The following LSG1 variants were observed in gnomAD, a reference collection of about 807,000 sequenced individuals.
LSG1 encodes large 60S subunit nuclear export GTPase 1.
A neutral mutation model predicts 82.6 loss-of-function variants in LSG1; 55 were observed. The ratio of observed to expected loss-of-function variants is 0.67; its 90% CI spans 0.54 to 0.83. The LOEUF (loss-of-function observed/expected upper bound fraction) is 0.83, where lower values mean the gene tolerates loss of function less well. Ranked by LOEUF, LSG1 falls within the 40% of genes least tolerant of loss-of-function variation. The pLI, the probability that LSG1 is intolerant of heterozygous loss-of-function variation, is 0.00. For synonymous variants in LSG1, 272 were observed against 282.5 expected (o/e 0.96, Z 0.37); for missense variants, 809 against 807.9 (o/e 1.00, Z -0.02).
intron 7 of LSG1, among the ~76,000 whole-genome samples, chr3:194,654,412 AAC>A (rs1309556989): frequency 2.0e-5 from 3 of 152,354 alleles, no homozygotes; most frequent in Admixed American, 1.3e-4. Context: ...TAGAATGATT[AAC>A]AGTCACAGAA....
intron 11 of LSG1, among the ~76,000 whole-genome samples, chr3:194,647,385 T>C (rs1168790825): frequency 2.6e-5 from 4 of 152,062 alleles, no homozygotes; most frequent in Non-Finnish European, 5.9e-5. Flanking sequence ...TATAGGAAAA[T>C]GTGATTCCCA....
At position 194,648,363 on chromosome 3, in the gene LSG1, G is replaced by A. The variant is rs78260944; in HGVS notation, c.1543+318C>T. 3.4e-4 allele frequency among the ~76,000 whole-genome samples: 51 copies of A among 151,980 alleles called. 1 individual carries two copies. In the East Asian group the frequency reaches 9.1e-3, roughly 27 times the overall value. The stretch of plus-strand genomic sequence containing the variant: ...ACTCTCCTGCCTCGCTGTGGCGTGC[G>A]GATTCATTTTCTTCCACACATCCGC... On this transcript the variant is annotated intron_variant, in intron 11 of 13. Coordinates refer to ENST00000265245, the MANE Select transcript of LSG1 (RefSeq NM_018385.3).
Position 194,666,435 on chromosome 3 carries a change from A to G in LSG1, c.347+17T>C, listed in dbSNP as rs1719031352. The G allele has an allele frequency of 1.2e-6, 2 of 1,609,882 alleles. No individual in the cohort carries two copies. Among genetic ancestry groups the G allele is most frequent in the Non-Finnish European group, 1.7e-6 (2 of 1,178,582 alleles). On this transcript the variant is annotated intron_variant, in intron 3 of 13. Coordinates refer to ENST00000265245, the MANE Select transcript of LSG1 (RefSeq NM_018385.3). ...CCTCGGATGTTTTGTGGCATTCTAAATTCTTCTTCAGCTCACCTCCTCGGT... is the reference window on the plus strand; with the variant it reads ...CCTCGGATGTTTTGTGGCATTCTAAGTTCTTCTTCAGCTCACCTCCTCGGT...
intron 5 of LSG1, among the ~76,000 whole-genome samples, chr3:194,661,620 C>T (rs936579216): frequency 6.6e-6 from 1 of 152,170 alleles, no homozygotes; most frequent in African/African-American, 2.4e-5. Flanking sequence ...CTGATAACTA[C>T]TATTAGAATT....
At chr3:194,644,381 TAAAA>T (rs1193316958) in intron 13 of LSG1, among the ~76,000 whole-genome samples, 188 bp downstream of exon 13, 3 of 79,938 alleles carry the variant, frequency 3.8e-5, no homozygotes, top group African/African-American at 1.4e-4. Flanking sequence ...AAAAAAAAAA[TAAAA>T]ATAAATAAAT....
intron 2 of LSG1, 49 bp downstream of exon 2, chr3:194,669,960 C>T (rs777145995): frequency 3.2e-6 from 5 of 1,578,144 alleles, no homozygotes; most frequent in Non-Finnish European, 4.3e-6. Flanking sequence ...ACCTCAGCCC[C>T]AGATGGAAAT....
At chr3:194,659,808 C>T (rs972736123) in intron 6 of LSG1, among the ~76,000 whole-genome samples, 2 of 152,176 alleles carry the variant, frequency 1.3e-5, no homozygotes, top group Non-Finnish European at 2.9e-5. Context: ...AATGGGAAAC[C>T]GGCAAATGCC....
chr3:194,671,084 T>C (rs1167041709), intron 1 of LSG1, among the ~76,000 whole-genome samples: 1 of 152,204 alleles, frequency 6.6e-6, no homozygotes, highest in Non-Finnish European at 1.5e-5. Context: ...TGACAGAGTG[T>C]GACCCTGTCT....
chr3:194,666,068 T>C (rs1719023237), intron 4 of LSG1, 135 bp downstream of exon 4: 3 of 745,658 alleles, frequency 4.0e-6, no homozygotes, highest in Non-Finnish European at 6.8e-6. Context: ...TACATCTATT[T>C]GCACTTGTTA....
intron 1 of LSG1, among the ~76,000 whole-genome samples, chr3:194,670,982 G>C (rs1385278514): frequency 6.6e-6 from 1 of 152,152 alleles, no homozygotes; most frequent in African/African-American, 2.4e-5. Flanking sequence ...AGCTACTCAA[G>C]AGACTGAGGC....
At chr3:194,663,288 G>A (rs1034521321) in intron 5 of LSG1, among the ~76,000 whole-genome samples, 7 of 152,214 alleles carry the variant, frequency 4.6e-5, no homozygotes, top group African/African-American at 1.7e-4. Flanking sequence ...GAGAATGACT[G>A]TGGGCCTTCC....
chr3:194,671,959 C>T (rs1719146435), intron 1 of LSG1, 105 bp downstream of exon 1: 2 of 1,029,436 alleles, frequency 1.9e-6, no homozygotes, highest in Admixed American at 1.9e-5. Context: ...CTTCAAAACC[C>T]GGCTGAGGCG....
At chr3:194,667,277 C>A (rs1719048969) in intron 2 of LSG1, among the ~76,000 whole-genome samples, 1 of 152,200 alleles carries the variant, frequency 6.6e-6, no homozygotes, top group South Asian at 2.1e-4. Context: ...TCTCGAACTA[C>A]TGACCTCAGG....
chr3:194,671,886 T>G (rs1719144842), intron 1 of LSG1, 178 bp downstream of exon 1: 2 of 658,986 alleles, frequency 3.0e-6, no homozygotes, highest in African/African-American at 3.7e-5. Context: ...CTCCTACCTT[T>G]GTGTTCTGGG....
At chr3:194,649,032 A>C (rs1240619237) in intron 10 of LSG1, 11 of 415,244 alleles carry the variant, frequency 2.6e-5, no homozygotes, top group Non-Finnish European at 4.7e-5. Context: ...TTAAAATAGT[A>C]ATTTAAAATA....
intron 10 of LSG1, chr3:194,649,137 T>C: frequency 4.0e-6 from 1 of 252,030 alleles, no homozygotes; most frequent in Non-Finnish European, 7.6e-6. Flanking sequence ...GGAGTCTCTG[T>C]TTCTAATGCC....
At chr3:194,647,867 G>C (rs1214511956) in intron 11 of LSG1, among the ~76,000 whole-genome samples, 1 of 148,158 alleles carries the variant, frequency 6.7e-6, no homozygotes, top group Non-Finnish European at 1.5e-5. Flanking sequence ...CTTGTTCTAT[G>C]AATCTGTAAT....
chr3:194,668,043 T>G (rs1451278267), intron 2 of LSG1, among the ~76,000 whole-genome samples: 2 of 150,566 alleles, frequency 1.3e-5, no homozygotes, highest in African/African-American at 4.9e-5. Context: ...TTTCAGTATA[T>G]TCACAGAGTT....
At chr3:194,642,504 G>C (rs1718421619) in intron 13 of LSG1, among the ~76,000 whole-genome samples, 1 of 151,210 alleles carries the variant, frequency 6.6e-6, no homozygotes, top group African/African-American at 2.4e-5. Context: ...CTTAATACCA[G>C]CTGTGTTCTG....
Sources: gnomAD v4.1 joint callset for allele counts (sites outside exome capture counted in the v4.1 genomes callset) on GRCh38, gnomAD v4.1.1 for gene constraint, MANE v1.5 for transcripts, NCBI Gene and HGNC (gene_info 2026-07-23, HGNC 2026-07-21) for gene names.